SLURP1: variants seen among roughly 807,000 people sequenced by gnomAD.
The protein encoded by SLURP1 is secreted Ly-6/uPAR-related protein 1.
In SLURP1, 2 loss-of-function variants were observed where a neutral mutation model predicts 7.9. The ratio of observed to expected loss-of-function variants is 0.25; its 90% confidence interval spans 0.10 to 0.79. The LOEUF is 0.79. SLURP1 is among the 30% of genes least tolerant of loss of function. The pLI is 0.69. For synonymous variants in SLURP1, 59 were observed against 54.9 expected, an observed-to-expected ratio of 1.07 and a Z score of -0.33; for missense variants, 111 against 139.8, an observed-to-expected ratio of 0.79 and a Z score of 1.04.
Position 142,741,338 on chromosome 8 carries a change from G to A in SLURP1, c.179-62C>T. 1.3e-6 allele frequency: 2 copies of A among 1,521,410 alleles called. No individual in the cohort carries two copies. The highest frequency in any genetic ancestry group is 1.8e-6 in the Non-Finnish European group (2 of 1,137,264). 94.2% of individuals were successfully genotyped at this position (1,521,410 alleles called of 1,614,324 possible). A position where few individuals can be genotyped will look rare whatever the true frequency, so the allele number is the denominator to read the frequency against. On this transcript the variant is annotated intron_variant, in intron 2 of 2. Coordinates refer to ENST00000246515, the MANE Select transcript of SLURP1 (RefSeq NM_020427.3). The surrounding 1 kb of genome is among the most constrained non-coding windows in gnomAD (Gnocchi z 4.3). ...TGCAGCGCCTGCCTGCTGCTGCACT[G>A]CTCCCAGCCGCCGTCGCCTGACCTC... is the stretch of plus-strand genomic sequence containing the variant.
rs776950031 is a variant in SLURP1 at position 142,741,283 on chromosome 8, G to A, written c.179-7C>T. On this transcript the variant is annotated splice_region_variant and splice_polypyrimidine_tract_variant and intron_variant, in intron 2 of 2. Transcript: ENST00000246515. This position sits in a 1 kb window ranked among gnomAD's most constrained non-coding sequence, Gnocchi z 4.3. ...CTCTGGTTGAAGGGGTACTCTGCAG[G>A]GTGGGCCAGTGTCAGAACCCTCACT... The A allele has an allele frequency of 1.8e-5, 28 of 1,586,986 alleles. No individual in the cohort carries two copies. Among genetic ancestry groups the A allele is most frequent in the Non-Finnish European group, 8.5e-7 (1 of 1,170,390 alleles).
chr8:142,742,220 G>C lies in SLURP1; in HGVS notation c.58+108C>G, dbSNP rs587678206. On this transcript the variant is annotated intron_variant, in intron 1 of 2. Transcript: ENST00000246515. ...GAATGAGGAGGGTGAGCCTCATGGAGGCCTAAGGAGGCTCTCAGCCACAAA... is the reference window on the plus strand; with the variant it reads ...GAATGAGGAGGGTGAGCCTCATGGACGCCTAAGGAGGCTCTCAGCCACAAA... 5 of 1,218,868 alleles carry C rather than the reference G, an allele frequency of 4.1e-6. No individual in the cohort carries two copies. In the Admixed American group the frequency reaches 5.5e-5, roughly 13 times the overall value. 75.5% of individuals were successfully genotyped at this position (1,218,868 alleles called of 1,614,324 possible). A position where few individuals can be genotyped will look rare whatever the true frequency, so the allele number is the denominator to read the frequency against.
Position 142,741,801 on chromosome 8 carries a change from A to T in SLURP1, c.178+2T>A. The T allele has an allele frequency of 6.2e-7, 1 of 1,611,098 alleles. No homozygotes were observed. Among genetic ancestry groups the T allele is most frequent in the East Asian group, 2.2e-5 (1 of 44,872 alleles). On this transcript the variant is annotated splice_donor_variant, in intron 2 of 2. Coordinates refer to ENST00000246515, the MANE Select transcript of SLURP1 (RefSeq NM_020427.3). LOFTEE classifies it high-confidence loss of function. The surrounding 1 kb of genome is among the most constrained non-coding windows in gnomAD (Gnocchi z 4.3). Reference sequence around the variant, plus strand: ...CAGGGCTGCCGTGGGGCCTGGCCTCACCTGCCTCCACCGTCACCAGCGTGG... The same window carrying T: ...CAGGGCTGCCGTGGGGCCTGGCCTCTCCTGCCTCCACCGTCACCAGCGTGG...
chr8:142,740,949 T>G lies in SLURP1; in HGVS notation c.*194A>C, dbSNP rs1245512531. On this transcript the variant is annotated 3_prime_UTR_variant, in exon 3 of 3. Transcript: ENST00000246515. ...CAGGAAGGACAAAAGTCATGTCCACTCTTGGCTTAGTTATGTTTTATAAGC... is the reference window on the plus strand; with the variant it reads ...CAGGAAGGACAAAAGTCATGTCCACGCTTGGCTTAGTTATGTTTTATAAGC... 1 of 764,784 alleles carries G rather than the reference T, an allele frequency of 1.3e-6. No homozygotes were observed. The allele number at this position is 764,784 out of a possible 1,614,324, so 47.4% of individuals were successfully genotyped here. A position where few individuals can be genotyped will look rare whatever the true frequency, so the allele number is the denominator to read the frequency against.
rs1250941146 is a variant in SLURP1, at chr8:142,741,672, G to A, written c.178+131C>T. Reference sequence around the variant, plus strand: ...TCGTGGAAGGCACCCCTGCCAAGGTGTGGCAGCCTGTTCTGCCCATCCCAC... The same window carrying A: ...TCGTGGAAGGCACCCCTGCCAAGGTATGGCAGCCTGTTCTGCCCATCCCAC... On this transcript the variant is annotated intron_variant, in intron 2 of 2. Coordinates refer to ENST00000246515, the MANE Select transcript of SLURP1 (RefSeq NM_020427.3). This position sits in a 1 kb window ranked among gnomAD's most constrained non-coding sequence, Gnocchi z 4.3. 4.2e-6 allele frequency: 6 copies of A among 1,436,186 alleles called. No individual in the cohort carries two copies. The highest frequency in any genetic ancestry group is 2.2e-4 in the Middle Eastern group (1 of 4,468). 89.0% of individuals were successfully genotyped at this position (1,436,186 alleles called of 1,614,324 possible).
At chr8:142,742,073 G>T (rs1563826034) in intron 1 of SLURP1, 151 bp from the exon 2 acceptor site, 7 of 1,316,456 alleles carry the variant, frequency 5.3e-6, no homozygotes, top group Non-Finnish European at 5.3e-6. Context: ...CTCTAACTGA[G>T]CTGAGCCACA....
Position 142,742,394 on chromosome 8 carries a change from G to T in SLURP1, c.-9C>A, listed in dbSNP as rs779450695. ...GCCCAGCGAGAGGCCATTGCTCCGT[G>T]CTCAGAAGTGATGAGAGGTAGCCAG... On this transcript the variant is annotated 5_prime_UTR_variant, in exon 1 of 3. Transcript: ENST00000246515. 2 of 1,612,878 alleles carry T rather than the reference G, an allele frequency of 1.2e-6. No homozygotes were observed. The highest frequency in any genetic ancestry group is 1.7e-6 in the Non-Finnish European group (2 of 1,179,918).
intron 1 of SLURP1, 86 bp from the exon 2 acceptor site, chr8:142,742,008 G>C: frequency 1.3e-6 from 2 of 1,583,218 alleles, no homozygotes; most frequent in Non-Finnish European, 1.7e-6. Context: ...AAGGAGTCTC[G>C]CTGACATCTT....
chr8:142,741,134 G>T lies in SLURP1; in HGVS notation c.*9C>A, dbSNP rs375890302. On this transcript the variant is annotated 3_prime_UTR_variant, in exon 3 of 3. Transcript: ENST00000246515. This position sits in a 1 kb window ranked among gnomAD's most constrained non-coding sequence, Gnocchi z 4.3. ...CCTGAGGAGCACCTTCCGCCCTGCC[G>T]CCCTGGGTTCAGAGTTCCGAGTTGC... is the stretch of plus-strand genomic sequence containing the variant. 2.6e-5 allele frequency: 41 copies of T among 1,603,062 alleles called. No individual in the cohort carries two copies. The highest frequency in any genetic ancestry group is 3.4e-5 in the Non-Finnish European group (40 of 1,179,896).
chr8:142,741,971 C>T lies in SLURP1; in HGVS notation c.59-49G>A, dbSNP rs192491383. 1.1e-5 allele frequency: 17 copies of T among 1,604,160 alleles called. No homozygotes were observed. In the East Asian group the frequency reaches 3.3e-4, roughly 32 times the overall value. On this transcript the variant is annotated intron_variant, in intron 1 of 2. Coordinates refer to ENST00000246515, the MANE Select transcript of SLURP1 (RefSeq NM_020427.3). The surrounding 1 kb of genome is among the most constrained non-coding windows in gnomAD (Gnocchi z 4.3). ...CCTCATCACCTGACCTCGGTGGCCTCATCCTGGAACCAGGAGGCAGGGGCT... is the reference window on the plus strand; with the variant it reads ...CCTCATCACCTGACCTCGGTGGCCTTATCCTGGAACCAGGAGGCAGGGGCT...
At position 142,741,786 on chromosome 8, in the gene SLURP1, G is replaced by T. The variant is rs147170113; in HGVS notation, c.178+17C>A. 1.2e-6 allele frequency: 2 copies of T among 1,609,384 alleles called. No individual in the cohort carries two copies. Among genetic ancestry groups the T allele is most frequent in the Admixed American group, 1.7e-5 (1 of 60,014 alleles). On this transcript the variant is annotated intron_variant, in intron 2 of 2. Transcript: ENST00000246515. The surrounding 1 kb of genome is among the most constrained non-coding windows in gnomAD (Gnocchi z 4.3). ...TGACTCCAGTGCACCCAGGGCTGCC[G>T]TGGGGCCTGGCCTCACCTGCCTCCA...
Position 142,741,803 on chromosome 8 carries a change from C to T in SLURP1, c.178G>A (p.Glu60Lys), listed in dbSNP as rs200727790. ...GGGCTGCCGTGGGGCCTGGCCTCAC[C>T]TGCCTCCACCGTCACCAGCGTGGTC... ...CMTTLVTVEA[E>K]YPFNQSPVVT... The change falls in exon 2 of 3, where the codon GAG becomes AAG. Residue 60 changes from glutamate to lysine, a missense_variant and splice_region_variant. Coordinates refer to ENST00000246515, the MANE Select transcript of SLURP1 (RefSeq NM_020427.3). This position sits in a 1 kb window ranked among gnomAD's most constrained non-coding sequence, Gnocchi z 4.3. 45 of 1,611,402 alleles carry T rather than the reference C, an allele frequency of 2.8e-5. No individual in the cohort carries two copies. Among genetic ancestry groups the T allele is most frequent in the Non-Finnish European group, 6.8e-6 (8 of 1,179,994 alleles).
Position 142,741,195 on chromosome 8 carries a change from G to A in SLURP1, c.260C>T (p.Ala87Val). ...CVATDPDSIG[A>V]AHLIFCCFRD... is the part of the protein sequence containing the mutation. Reference sequence around the variant, plus strand: ...GAAGCAGCAGAAGATCAGGTGGGCGGCCCCGATGCTGTCGGGGTCGGTGGC... The same window carrying A: ...GAAGCAGCAGAAGATCAGGTGGGCGACCCCGATGCTGTCGGGGTCGGTGGC... Residue 87 changes from alanine to valine, a missense_variant, in exon 3 of 3, where the codon GCC (alanine) becomes GTC (valine). Transcript: ENST00000246515. The surrounding 1 kb of genome is among the most constrained non-coding windows in gnomAD (Gnocchi z 4.3). 1 of 1,609,818 alleles carries A rather than the reference G, an allele frequency of 6.2e-7. No homozygotes were observed.
chr8:142,741,789 G>T lies in SLURP1; in HGVS notation c.178+14C>A. The T allele has an allele frequency of 6.2e-7, 1 of 1,609,880 alleles. No individual in the cohort carries two copies. ...CTCCAGTGCACCCAGGGCTGCCGTG[G>T]GGCCTGGCCTCACCTGCCTCCACCG... On this transcript the variant is annotated intron_variant, in intron 2 of 2. Transcript: ENST00000246515. This position sits in a 1 kb window ranked among gnomAD's most constrained non-coding sequence, Gnocchi z 4.3.
In SLURP1 at chr8:142,742,311, G is replaced by GC; in HGVS notation, c.58+16dup. The GC allele has an allele frequency of 6.2e-7, 1 of 1,612,566 alleles. No homozygotes were observed. Among genetic ancestry groups the GC allele is most frequent in the Non-Finnish European group, 8.5e-7 (1 of 1,179,722 alleles). ...AAGCTCAGAGGCAGGGTCCCCACCA[G>GC]CCTGCGGCCCACTCACCACAGCCCA... On this transcript the variant is annotated intron_variant, in intron 1 of 2. Transcript: ENST00000246515.
chr8:142,742,132 G>A (rs764681963), intron 1 of SLURP1, among the ~76,000 whole-genome samples, 196 bp downstream of exon 1: 61 of 152,196 alleles, frequency 4.0e-4, no homozygotes, highest in Non-Finnish European at 1.9e-4. Flanking sequence ...CCTTCCTGCA[G>A]AGTGGAGCCG....
chr8:142,741,161 G>A lies in SLURP1; in HGVS notation c.294C>T (p.Leu98=), dbSNP rs781507951. 1 of 1,607,002 alleles carries A rather than the reference G, an allele frequency of 6.2e-7. No homozygotes were observed. The highest frequency in any genetic ancestry group is 8.5e-7 in the Non-Finnish European group (1 of 1,179,964). The change falls in exon 3 of 3, where the codon CTC becomes CTT. Residue 98 remains leucine (L), a synonymous_variant. Transcript: ENST00000246515. This position sits in a 1 kb window ranked among gnomAD's most constrained non-coding sequence, Gnocchi z 4.3. ...AHLIFCCFRD[L]CNSEL ...CCTGGGTTCAGAGTTCCGAGTTGCAGAGGTCTCGGAAGCAGCAGAAGATCA... is the reference window on the plus strand; with the variant it reads ...CCTGGGTTCAGAGTTCCGAGTTGCAAAGGTCTCGGAAGCAGCAGAAGATCA...
Position 142,741,094 on chromosome 8 carries a change from G to A in SLURP1, c.*49C>T, listed in dbSNP as rs186846396. The A allele has an allele frequency of 7.2e-5, 115 of 1,598,670 alleles. No homozygotes were observed. In the African/African-American group the frequency reaches 7.9e-4, roughly 11 times the overall value. ...GTGATCACAGGTGGAGCCAGGCCCC[G>A]TCAGAGAGGAGGTGCCTGAGGAGCA... On this transcript the variant is annotated 3_prime_UTR_variant, in exon 3 of 3. Coordinates refer to ENST00000246515, the MANE Select transcript of SLURP1 (RefSeq NM_020427.3). This position sits in a 1 kb window ranked among gnomAD's most constrained non-coding sequence, Gnocchi z 4.3.
chr8:142,740,964 G>A lies in SLURP1; in HGVS notation c.*179C>T. The A allele has an allele frequency of 1.2e-6, 1 of 845,410 alleles. No individual in the cohort carries two copies. The highest frequency in any genetic ancestry group is 2.2e-5 in the Admixed American group (1 of 45,578). The allele number at this position is 845,410 out of a possible 1,614,324, so 52.4% of individuals were successfully genotyped here. On this transcript the variant is annotated 3_prime_UTR_variant, in exon 3 of 3. Coordinates refer to ENST00000246515, the MANE Select transcript of SLURP1 (RefSeq NM_020427.3). ...TCATGTCCACTCTTGGCTTAGTTAT[G>A]TTTTATAAGCGTGGGGTATGGAAGG...
Sources: gnomAD v4.1 joint callset for allele counts (sites outside exome capture counted in the v4.1 genomes callset) on GRCh38, gnomAD v4.1.1 for gene constraint, Gnocchi (gnomAD v3.1) non-coding constraint, MANE v1.5 for transcripts, NCBI Gene and HGNC (gene_info 2026-07-23, HGNC 2026-07-21) for gene names.